The following CENPI variants were observed in gnomAD, a reference collection of about 807,000 sequenced individuals.
The protein encoded by CENPI is FSH primary response 1.
Under a neutral mutation model 60.4 loss-of-function variants are expected in CENPI, and 4 were observed. The ratio of observed to expected loss-of-function variants is 0.07; its 90% CI spans 0.03 to 0.15. The LOEUF is 0.15. CENPI is among the 10% of genes least tolerant of loss of function. The probability of loss-of-function intolerance (pLI) is 1.00; values close to 1 mark genes in which losing one functional copy is unlikely to be tolerated. For synonymous variants in CENPI, 157 were observed against 189.4 expected, an observed-to-expected ratio of 0.83 and a Z score of 1.40; for missense variants, 444 against 534.5, an observed-to-expected ratio of 0.83 and a Z score of 1.67.
chrX:101,176,226 T>C, the CENPI span, among the ~76,000 whole-genome samples: 1 of 112,052 alleles, frequency 8.9e-6, no homozygotes, highest in African/African-American at 3.2e-5. Context: ...TATCTTTCTA[T>C]TGTGAATAGT....
At chrX:101,109,664 G>T in intron 5 of CENPI, 73 bp downstream of exon 5, 6 of 759,589 alleles carry the variant, frequency 7.9e-6, no homozygotes, top group Non-Finnish European at 1.2e-5. Context: ...AGCCACTTAT[G>T]AAGTAATGGC....
intron 8 of CENPI, among the ~76,000 whole-genome samples, chrX:101,121,584 C>T (rs755158035): frequency 4.8e-4 from 53 of 109,571 alleles, no homozygotes; most frequent in African/African-American, 1.4e-3. Flanking sequence ...CCACTGCACC[C>T]GGCCTGCTTG....
chrX:101,148,196 C>A, intron 20 of CENPI, 35 bp downstream of exon 20: 1 of 1,055,110 alleles, frequency 9.5e-7, no homozygotes, highest in East Asian at 3.0e-5. Context: ...GATTTTGTAT[C>A]TTAATACTGT....
At chrX:101,127,315 C>A in intron 10 of CENPI, 49 bp downstream of exon 10, 1 of 1,079,506 alleles carries the variant, frequency 9.3e-7, no homozygotes, top group East Asian at 3.1e-5. Flanking sequence ...TTTATTAAAT[C>A]CAAATAATAA....
At chrX:101,169,917 A>G (rs1160302258), downstream of CENPI, among the ~76,000 whole-genome samples, 1 of 108,571 alleles carries the variant, frequency 9.2e-6, no homozygotes, top group Admixed American at 1.0e-4. Context: ...GTACAGCTGT[A>G]CAATGTTTGT....
intron 6 of CENPI, among the ~76,000 whole-genome samples, chrX:101,110,682 G>T (rs1281089274): frequency 9.0e-6 from 1 of 111,550 alleles, no homozygotes; most frequent in Non-Finnish European, 1.9e-5. Flanking sequence ...CATTGTCCTA[G>T]CCACTGTAGA....
In CENPI at chrX:101,120,734, C is replaced by G. The variant is rs763648454; in HGVS notation, c.641-4C>G. On this transcript the variant is annotated splice_polypyrimidine_tract_variant and splice_region_variant and intron_variant, in intron 7 of 21. Transcript: ENST00000682095. ...ATAGTACGTCTTTCCTTTATGTTTT[C>G]TAGTCAAACCATTTCGTGTGAGAAA... is the stretch of plus-strand genomic sequence containing the variant. 1.7e-6 allele frequency: 2 copies of G among 1,204,983 alleles called. No individual in the cohort carries two copies. Among genetic ancestry groups the G allele is most frequent in the Non-Finnish European group, 2.2e-6 (2 of 891,611 alleles).
intron 15 of CENPI, among the ~76,000 whole-genome samples, chrX:101,136,835 T>G (rs1268163113): frequency 1.8e-5 from 2 of 112,418 alleles, no homozygotes; most frequent in Non-Finnish European, 3.8e-5. Context: ...TTTTCATGTT[T>G]CCACATAGTC....
rs1485898879 is a variant in CENPI, at chrX:101,165,652, A to G, written c.*2685A>G. Among the ~76,000 whole-genome samples the G allele has an allele frequency of 9.0e-6, 1 of 111,428 alleles. No individual in the cohort carries two copies. The highest frequency in any genetic ancestry group is 9.7e-5 in the Admixed American group (1 of 10,361). The stretch of plus-strand genomic sequence containing the variant: ...AGATCACCTAGTACAGCTAGAGAAG[A>G]GAAGGTAGCAAAAGACAGAGACCTA... On this transcript the variant is annotated 3_prime_UTR_variant, in exon 22 of 22. Transcript: ENST00000682095.
intron 6 of CENPI, among the ~76,000 whole-genome samples, chrX:101,111,656 G>T (rs1255290138): frequency 3.6e-5 from 4 of 111,771 alleles, no homozygotes; most frequent in Non-Finnish European, 7.5e-5. Flanking sequence ...AAGTCCTCCT[G>T]CATGCTAAAG....
At chrX:101,109,694 C>A in intron 5 of CENPI, 103 bp downstream of exon 5, 1 of 639,982 alleles carries the variant, frequency 1.6e-6, no homozygotes, top group Non-Finnish European at 2.5e-6. Flanking sequence ...TTGTGCAAAG[C>A]CTGTAGTTTT....
intron 15 of CENPI, among the ~76,000 whole-genome samples, chrX:101,136,542 G>A (rs2089849937): frequency 8.9e-6 from 1 of 112,121 alleles, no homozygotes; most frequent in Non-Finnish European, 1.9e-5. Context: ...TGATTACCCA[G>A]CTTAGTCTAA....
Position 101,130,016 on chromosome X carries a change from T to C in CENPI, c.1230T>C (p.His410=). The C allele has an allele frequency of 3.3e-6, 4 of 1,204,362 alleles. No individual in the cohort carries two copies. The highest frequency in any genetic ancestry group is 4.5e-6 in the Non-Finnish European group (4 of 888,629). ...CIWYKVNNYE[H]GKEFTNFLDT... ...GGTACAAGGTGAATAATTATGAACA[T>C]GGAAAAGAATTTACCAACTTCCTGG... The change falls in exon 13 of 22, where the codon CAT becomes CAC. Residue 410 remains histidine, a synonymous_variant. Transcript: ENST00000682095.
At position 101,109,059 on chromosome X, in the gene CENPI, T is replaced by C. The variant is rs369751424; in HGVS notation, c.365-414T>C. ...CTGTTGGTTTTTATTGCCTTCAATA[T>C]AACGTGAGGTGTGGTGTTTTTTTTT... On this transcript the variant is annotated intron_variant, in intron 4 of 21. Transcript: ENST00000682095. Among the ~76,000 whole-genome samples, 29 of 105,598 alleles carry C rather than the reference T, an allele frequency of 2.7e-4. No homozygotes were observed. The East Asian group carries it at 7.1e-3, about 26-fold the overall frequency. 91.7% of individuals were successfully genotyped at this position (105,598 alleles called of 115,157 possible).
intron 20 of CENPI, among the ~76,000 whole-genome samples, chrX:101,155,914 C>G (rs1338709602): frequency 8.9e-6 from 1 of 112,196 alleles, no homozygotes; most frequent in Non-Finnish European, 1.9e-5. Flanking sequence ...TTCATGAAGA[C>G]AAGTGAGTCA....
chrX:101,178,398 C>CTTCTTTTTTTTTTTTTTTTTTTTTT, the CENPI span, among the ~76,000 whole-genome samples: 35 of 39,975 alleles, frequency 8.8e-4, 2 homozygotes, highest in Non-Finnish European at 1.5e-3. Flanking sequence ...TTTTCTTCTT[C>CTTCTTTTTTTTTTTTTTTTTTTTTT]TTTTTTTTTT....
intron 20 of CENPI, among the ~76,000 whole-genome samples, chrX:101,157,252 G>T (rs1452598970): frequency 9.0e-6 from 1 of 111,661 alleles, no homozygotes; most frequent in South Asian, 3.7e-4. Flanking sequence ...GTACATATAT[G>T]TGTTAGGCCT....
intron 20 of CENPI, among the ~76,000 whole-genome samples, chrX:101,159,507 G>A (rs1268695380): frequency 9.3e-6 from 1 of 107,085 alleles, no homozygotes; most frequent in African/African-American, 3.4e-5. Flanking sequence ...TGCCCAGGCT[G>A]AAGTGCCATG....
the CENPI span, among the ~76,000 whole-genome samples, chrX:101,172,113 T>C: frequency 3.6e-5 from 4 of 111,905 alleles, no homozygotes; most frequent in African/African-American, 1.3e-4. Context: ...GTCTACAACT[T>C]CATACCCTGT....
Sources: gnomAD v4.1 joint callset for allele counts (sites outside exome capture counted in the v4.1 genomes callset) on GRCh38, gnomAD v4.1.1 for gene constraint, MANE v1.5 for transcripts, NCBI Gene and HGNC (gene_info 2026-07-23, HGNC 2026-07-21) for gene names.